The following FARP1 variants were observed in gnomAD, a reference collection of about 807,000 sequenced individuals.
FARP1 encodes FERM, ARHGEF and pleckstrin domain-containing protein 1.
Under a neutral mutation model 128.8 loss-of-function variants are expected in FARP1, and 52 were observed. The observed-to-expected ratio is 0.40, with a 90% CI of 0.32 to 0.51. The LOEUF (loss-of-function observed/expected upper bound fraction) is 0.51, where lower values mean the gene tolerates loss of function less well. Ranked by LOEUF, FARP1 falls within the 20% of genes least tolerant of loss-of-function variation. The pLI, the probability that FARP1 is intolerant of heterozygous loss-of-function variation, is 0.45. For synonymous variants in FARP1, 580 were observed against 551.8 expected (o/e 1.05, Z -0.72); for missense variants, 1,333 against 1,367.9 (o/e 0.97, Z 0.40).
chr13:98,241,042 C>T (rs762212691), intron 2 of FARP1, among the ~76,000 whole-genome samples: 9 of 152,212 alleles, frequency 5.9e-5, no homozygotes, highest in Non-Finnish European at 1.0e-4. Flanking sequence ...GAATCCAGCA[C>T]GCGCACATGG....
chr13:98,207,911 CACACACACA>C (rs1880381082), intron 1 of FARP1, among the ~76,000 whole-genome samples: 1 of 65,760 alleles, frequency 1.5e-5, no homozygotes, highest in Admixed American at 1.9e-4. Flanking sequence ...ACCACCTCCA[CACACACACA>C]CACACACACA....
intron 2 of FARP1, chr13:98,328,842 G>A (rs1887347503): frequency 1.3e-5 from 2 of 152,232 alleles, no homozygotes; most frequent in Admixed American, 6.5e-5. Context: ...GTGGGACAGA[G>A]AGGACGGCGA....
At chr13:98,295,886 T>A (rs9517248) in intron 2 of FARP1, among the ~76,000 whole-genome samples, 31,145 of 152,144 alleles carry the variant, frequency 0.2, 3,617 homozygotes, top group East Asian at 0.29. Flanking sequence ...TATTTTGCAT[T>A]CTTAAAATTA....
Position 98,301,796 on chromosome 13 carries a change from G to C in FARP1, c.172-41966G>C, listed in dbSNP as rs74110916. On this transcript the variant is annotated intron_variant, in intron 2 of 26. Coordinates refer to ENST00000319562, the MANE Select transcript of FARP1 (RefSeq NM_005766.4). ...TTTTTATGTTTATTTAAGTGTACAC[G>C]TACTCGGTGGTGTATGGCTCAGACT... Among the ~76,000 whole-genome samples the C allele has an allele frequency of 9.5e-3, 1,449 of 152,206 alleles. 14 individuals are homozygous for C. Among genetic ancestry groups the C allele is most frequent in the African/African-American group, 0.032 (1,332 of 41,500 alleles).
intron 2 of FARP1, among the ~76,000 whole-genome samples, chr13:98,261,858 G>A (rs1486462335): frequency 6.6e-6 from 1 of 152,060 alleles, no homozygotes; most frequent in East Asian, 1.9e-4. Context: ...CATTCATGAG[G>A]GATCCACTCC....
At chr13:98,280,553 C>G (rs759869025) in intron 2 of FARP1, among the ~76,000 whole-genome samples, 8 of 152,236 alleles carry the variant, frequency 5.3e-5, no homozygotes, top group Non-Finnish European at 1.2e-4. Flanking sequence ...AGAGCCTGGC[C>G]GGACACCCGG....
At chr13:98,299,078 G>T (rs1885816271) in intron 2 of FARP1, among the ~76,000 whole-genome samples, 1 of 152,068 alleles carries the variant, frequency 6.6e-6, no homozygotes, top group African/African-American at 2.4e-5. Flanking sequence ...GGGATTATGT[G>T]CACAACTTCA....
At position 98,317,125 on chromosome 13, in the gene FARP1, G is replaced by A. The variant is rs150366234; in HGVS notation, c.172-26637G>A. On this transcript the variant is annotated intron_variant, in intron 2 of 26. Transcript: ENST00000319562. ...CCAGCTGCCACTCCCTATTTCTAGC[G>A]TTGCTGCCAAGAAGATGGGTTATTA... is the stretch of plus-strand genomic sequence containing the variant. Among the ~76,000 whole-genome samples the A allele has an allele frequency of 3.9e-3, 594 of 152,298 alleles. 3 individuals are homozygous for A. Among genetic ancestry groups the A allele is most frequent in the African/African-American group, 0.013 (550 of 41,562 alleles).
chr13:98,166,218 C>T (rs1325720682), intron 1 of FARP1, among the ~76,000 whole-genome samples: 1 of 152,124 alleles, frequency 6.6e-6, no homozygotes, highest in African/African-American at 2.4e-5. Flanking sequence ...CAATAGACAT[C>T]TAGGTTGTTC....
chr13:98,273,120 G>A (rs150224927), intron 2 of FARP1, among the ~76,000 whole-genome samples: 11 of 152,318 alleles, frequency 7.2e-5, no homozygotes, highest in Non-Finnish European at 1.2e-4. Context: ...GTTAGTATGC[G>A]TTGGTTTGCC....
chr13:98,383,717 C>T (rs1229318734), intron 6 of FARP1: 1 of 152,202 alleles, frequency 6.6e-6, no homozygotes, highest in Non-Finnish European at 1.5e-5. Flanking sequence ...AATTGGTGTA[C>T]ATTGACCTTG....
intron 3 of FARP1, among the ~76,000 whole-genome samples, chr13:98,349,139 C>T (rs1413727303): frequency 6.6e-6 from 1 of 152,200 alleles, no homozygotes; most frequent in Non-Finnish European, 1.5e-5. Flanking sequence ...TCTGTTTAAA[C>T]ATTCGCTTTG....
chr13:98,199,050 C>G (rs1252479924), intron 1 of FARP1, among the ~76,000 whole-genome samples: 1 of 147,456 alleles, frequency 6.8e-6, no homozygotes, highest in Non-Finnish European at 1.5e-5. Flanking sequence ...CAAAAGCTGC[C>G]TCTCACCTGC....
rs56030081 is a variant in FARP1, at chr13:98,309,153, C to CTTTTTTTTTTTTTTTTTTTTTTTTT, written c.172-34603_172-34579dup. On this transcript the variant is annotated intron_variant, in intron 2 of 26. Transcript: ENST00000319562. ...TATATTAATATTAATTTTAAGAGGC[C>CTTTTTTTTTTTTTTTTTTTTTTTTT]TTTTTTTTTTTTTTTTTTTTTTTTT... Among the ~76,000 whole-genome samples the CTTTTTTTTTTTTTTTTTTTTTTTTT allele has an allele frequency of 1.1e-4, 10 of 89,670 alleles. 3 individuals are homozygous for CTTTTTTTTTTTTTTTTTTTTTTTTT. Among genetic ancestry groups the CTTTTTTTTTTTTTTTTTTTTTTTTT allele is most frequent in the Admixed American group, 2.9e-4 (2 of 6,976 alleles). 58.8% of individuals were successfully genotyped at this position (89,670 alleles called of 152,430 possible).
intron 1 of FARP1, among the ~76,000 whole-genome samples, chr13:98,184,528 A>C (rs535139402): frequency 3.0e-4 from 45 of 152,360 alleles, no homozygotes; most frequent in African/African-American, 1.0e-3. Context: ...AAGGTGCTTT[A>C]TGAAACAGTA....
At chr13:98,251,961 C>T (rs371501070) in intron 2 of FARP1, among the ~76,000 whole-genome samples, 5 of 152,264 alleles carry the variant, frequency 3.3e-5, no homozygotes, top group East Asian at 1.9e-4. Context: ...GATTCTCCTG[C>T]GTCAGCCTCC....
At chr13:98,320,678 G>A (rs1886951338) in intron 2 of FARP1, among the ~76,000 whole-genome samples, 1 of 152,186 alleles carries the variant, frequency 6.6e-6, no homozygotes. Flanking sequence ...CTGTTTTAAA[G>A]CATTTATTCT....
In FARP1 at chr13:98,394,996, G is replaced by A. The variant is rs657412; in HGVS notation, c.1165-231G>A. 8.5e-5 allele frequency among the ~76,000 whole-genome samples: 13 copies of A among 152,144 alleles called. No homozygotes were observed. The East Asian group carries it at 2.5e-3, about 29-fold the overall frequency. ...GGTCCTGGAAAGCAGAGACCGGGCC[G>A]GGCTTGTGCTGCCGGGAACAGTGCT... On this transcript the variant is annotated intron_variant, in intron 12 of 26. Transcript: ENST00000319562.
chr13:98,359,928 G>C (rs1888795587), intron 3 of FARP1, among the ~76,000 whole-genome samples: 1 of 152,240 alleles, frequency 6.6e-6, no homozygotes, highest in East Asian at 1.9e-4. Flanking sequence ...AAAGAAAACA[G>C]GGCGCCTGAC....
Sources: allele counts gnomAD v4.1 joint callset (sites outside exome capture counted in the v4.1 genomes callset), GRCh38; gene constraint gnomAD v4.1.1; transcripts MANE v1.5; gene names NCBI Gene and HGNC (gene_info 2026-07-23, HGNC 2026-07-21).